DNAH7: variants seen among roughly 807,000 people sequenced by gnomAD.
DNAH7 encodes the protein axonemal beta dynein heavy chain 7.
Under a neutral mutation model 444.6 loss-of-function variants are expected in DNAH7, and 397 were observed. That is an observed-to-expected ratio of 0.89 (90% CI 0.82 to 0.97). DNAH7 has a LOEUF of 0.97. DNAH7 is among the 50% of genes least tolerant of loss of function. The probability of loss-of-function intolerance (pLI) is 0.00; values close to 1 mark genes in which losing one functional copy is unlikely to be tolerated. For missense variants in DNAH7, 4,902 were observed against 4,800.8 expected, an observed-to-expected ratio of 1.02 and a Z score of -0.62; for synonymous variants, 1,636 against 1,624.4, an observed-to-expected ratio of 1.01 and a Z score of -0.17.
intron 25 of DNAH7, among the ~76,000 whole-genome samples, chr2:195,907,398 T>C (rs969046319): frequency 4.6e-5 from 7 of 152,154 alleles, no homozygotes; most frequent in African/African-American, 1.7e-4. Flanking sequence ...TGAGACTGCC[T>C]TGTGGTTTGA....
intron 2 of DNAH7, among the ~76,000 whole-genome samples, chr2:196,051,539 G>C (rs539880982): frequency 1.3e-5 from 2 of 152,222 alleles, no homozygotes; most frequent in South Asian, 2.1e-4. Flanking sequence ...AGGCTGAGGT[G>C]GGCGGATCAC....
intron 15 of DNAH7, among the ~76,000 whole-genome samples, chr2:195,978,038 TAATA>T (rs1459639124): frequency 6.6e-6 from 1 of 152,036 alleles, no homozygotes; most frequent in Non-Finnish European, 1.5e-5. Flanking sequence ...TAATGAACAA[TAATA>T]AATAATCTGA....
chr2:195,905,287 C>T lies in DNAH7; in HGVS notation c.4335+1372G>A, dbSNP rs548701036. ...ACAAATACAAGAACTGCAACAACAA[C>T]AAGAAAGGCTTTCCAAAAGAAAATG... On this transcript the variant is annotated intron_variant, in intron 27 of 64. Coordinates refer to ENST00000312428, the MANE Select transcript of DNAH7 (RefSeq NM_018897.3). 165 of 152,238 alleles carry T rather than the reference C, an allele frequency of 1.1e-3. 1 individual carries two copies. The highest frequency in any genetic ancestry group is 3.8e-3 in the African/African-American group (158 of 41,562). 9.4% of individuals were successfully genotyped at this position (152,238 alleles called of 1,614,324 possible).
intron 49 of DNAH7, among the ~76,000 whole-genome samples, chr2:195,821,590 C>T (rs1023359719): frequency 1.3e-5 from 2 of 152,222 alleles, no homozygotes; most frequent in African/African-American, 2.4e-5. Flanking sequence ...ACAGGAGAAA[C>T]GATTTAGAAG....
At position 196,007,755 on chromosome 2, in the gene DNAH7, C is replaced by T. The variant is rs115212566; in HGVS notation, c.989+5032G>A. 3.4e-3 allele frequency among the ~76,000 whole-genome samples: 518 copies of T among 152,224 alleles called. 2 individuals carry two copies. Among genetic ancestry groups the T allele is most frequent in the South Asian group, 0.017 (80 of 4,824 alleles). ...TGTCGCCATGTAGGACCGGGCTTTG[C>T]TCCTCATTTGCCTTCCACCATGATT... On this transcript the variant is annotated intron_variant, in intron 10 of 64. Coordinates refer to ENST00000312428, the MANE Select transcript of DNAH7 (RefSeq NM_018897.3).
At chr2:195,987,757 A>G (rs944451036) in intron 13 of DNAH7, among the ~76,000 whole-genome samples, 200 bp downstream of exon 13, 1 of 152,112 alleles carries the variant, frequency 6.6e-6, no homozygotes, top group Non-Finnish European at 1.5e-5. Context: ...TCTCAGCTAC[A>G]TGAGCACAAG....
chr2:195,828,300 C>T (rs1374641299), intron 48 of DNAH7, among the ~76,000 whole-genome samples: 1 of 151,962 alleles, frequency 6.6e-6, no homozygotes, highest in Non-Finnish European at 1.5e-5. Flanking sequence ...AATATTTCTG[C>T]CAGGCCGGGC....
chr2:195,790,884 T>G (rs1260234030), intron 57 of DNAH7, among the ~76,000 whole-genome samples: 1 of 152,138 alleles, frequency 6.6e-6, no homozygotes, highest in African/African-American at 2.4e-5. Flanking sequence ...CAAAAGAAAC[T>G]ATCAACAGAG....
chr2:196,043,845 C>A (rs1254913951), intron 5 of DNAH7, among the ~76,000 whole-genome samples: 1 of 151,934 alleles, frequency 6.6e-6, no homozygotes, highest in African/African-American at 2.4e-5. Flanking sequence ...AAATCGAAAC[C>A]ACAATGCAAT....
intron 46 of DNAH7, among the ~76,000 whole-genome samples, chr2:195,846,949 A>ATATGTG (rs1553535817): frequency 0.01 from 1,383 of 137,196 alleles, 28 homozygotes; most frequent in African/African-American, 0.036. Context: ...ACTCCCATAT[A>ATATGTG]TGTGTGTGTG....
At chr2:195,981,841 G>A (rs890251564) in intron 15 of DNAH7, among the ~76,000 whole-genome samples, 2 of 152,240 alleles carry the variant, frequency 1.3e-5, no homozygotes, top group Admixed American at 1.3e-4. Context: ...TTAAATCTAA[G>A]ACCTCAAACT....
intron 15 of DNAH7, among the ~76,000 whole-genome samples, chr2:195,983,108 G>A (rs1182493124): frequency 1.3e-5 from 2 of 151,988 alleles, no homozygotes; most frequent in Non-Finnish European, 2.9e-5. Flanking sequence ...ATATGCACCT[G>A]CTATGTACCC....
Position 195,925,701 on chromosome 2 carries a change from A to G in DNAH7, c.3612+725T>C, listed in dbSNP as rs78366041. Among the ~76,000 whole-genome samples the G allele has an allele frequency of 4.7e-3, 711 of 152,264 alleles. 46 individuals carry two copies. In the East Asian group the frequency reaches 0.11, roughly 24 times the overall value. ...CATCATTTTCAAACCCCTGTTCAAC[A>G]ATGTCTTAAAGACATTTCAAATTCC... is the stretch of plus-strand genomic sequence containing the variant. On this transcript the variant is annotated intron_variant, in intron 22 of 64. Coordinates refer to ENST00000312428, the MANE Select transcript of DNAH7 (RefSeq NM_018897.3).
rs1218536911 is a variant in DNAH7, at chr2:195,738,107, C to CTT, written c.11887_11888dup (p.Ala3965GlyfsTer34). On this transcript the variant is annotated frameshift_variant, in exon 65 of 65. Coordinates refer to ENST00000312428, the MANE Select transcript of DNAH7 (RefSeq NM_018897.3). LOFTEE classifies it low-confidence loss of function (END_TRUNC). The stretch of plus-strand genomic sequence containing the variant: ...TTGGCCGTTTTGGTATATCTGCCCT[C>CTT]TTACAGGGCTTTAGCCACATCTGGA... 2.5e-6 allele frequency: 4 copies of CTT among 1,613,686 alleles called. No homozygotes were observed. Among genetic ancestry groups the CTT allele is most frequent in the Non-Finnish European group, 3.4e-6 (4 of 1,179,766 alleles).
In DNAH7 at chr2:195,881,981, T is replaced by C. The variant is rs771286595; in HGVS notation, c.5775A>G (p.Lys1925=). The change falls in exon 36 of 65, where the codon AAA becomes AAG. Residue 1925 remains lysine, a synonymous_variant. Transcript: ENST00000312428. ...TCAATTTCTTTATCCATGGTTCCCA[T>C]TTTCCTATTCCCTGTTTATAATTAA... ...DYQFVTEGIG[K]WEPWIKKLKE... The C allele has an allele frequency of 3.1e-6, 5 of 1,613,208 alleles. No individual in the cohort carries two copies. The African/African-American group carries it at 4.0e-5, about 13-fold the overall frequency.
intron 47 of DNAH7, among the ~76,000 whole-genome samples, chr2:195,842,439 A>G (rs1054714179): frequency 6.6e-6 from 1 of 152,126 alleles, no homozygotes; most frequent in African/African-American, 2.4e-5. Context: ...ATCGTTGTCA[A>G]GCAAGAGTTT....
chr2:196,058,075 T>C lies in DNAH7; in HGVS notation c.57A>G (p.Arg19=). The change falls in exon 2 of 65, where the codon AGA becomes AGG. Residue 19 remains arginine, a synonymous_variant. Transcript: ENST00000312428. ...TTACCATAGACAGCTGTGGTAGAAA[T>C]CTTACTGGTTTCTTGGATTTTTCTT... ...ASKEKSKKPV[R]FLPQLSMEKL... is the part of the protein sequence containing the mutation. 1 of 1,577,388 alleles carries C rather than the reference T, an allele frequency of 6.3e-7. No individual in the cohort carries two copies. The highest frequency in any genetic ancestry group is 1.7e-4 in the Middle Eastern group (1 of 5,888).
At chr2:196,045,536 CAG>C (rs1166004642) in intron 5 of DNAH7, among the ~76,000 whole-genome samples, 5 of 150,416 alleles carry the variant, frequency 3.3e-5, no homozygotes, top group African/African-American at 7.3e-5. Context: ...AAAAAAAATA[CAG>C]AGAGAGAGAG....
At chr2:196,035,624 C>T (rs1696335403) in intron 5 of DNAH7, among the ~76,000 whole-genome samples, 1 of 152,120 alleles carries the variant, frequency 6.6e-6, no homozygotes, top group Admixed American at 6.5e-5. Flanking sequence ...TAGGGGAGAA[C>T]ACTGGAATCC....
Sources: gnomAD v4.1 joint callset for allele counts (sites outside exome capture counted in the v4.1 genomes callset) on GRCh38, gnomAD v4.1.1 for gene constraint, MANE v1.5 for transcripts, NCBI Gene and HGNC (gene_info 2026-07-23, HGNC 2026-07-21) for gene names.